The following PCDHGB7 variants were observed in gnomAD, a reference collection of about 807,000 sequenced individuals.
PCDHGB7 encodes protocadherin gamma-B7.
PCDHGB7 carries 37 observed loss-of-function variants against 61.4 expected under a neutral mutation model. That is an observed-to-expected ratio of 0.60 (90% CI 0.46 to 0.79). The LOEUF is 0.79. PCDHGB7 is among the 30% of genes least tolerant of loss of function. The pLI is 0.00. For synonymous variants in PCDHGB7, 464 were observed against 503.5 expected (o/e 0.92, Z 1.05); for missense variants, 1,166 against 1,202.5 (o/e 0.97, Z 0.45).
At chr5:141,427,984 C>G (rs754620535) in intron 1 of PCDHGB7, 2 of 1,597,494 alleles carry the variant, frequency 1.3e-6, no homozygotes, top group South Asian at 2.2e-5. Flanking sequence ...GCGCTGGGGC[C>G]CGATGGCTCC....
At position 141,486,548 on chromosome 5, in the gene PCDHGB7, T is replaced by C; in HGVS notation, c.2416-8259T>C. 1 of 1,614,100 alleles carries C rather than the reference T, an allele frequency of 6.2e-7. No individual in the cohort carries two copies. ...TAATCCACCCTCTTTCTTTCAGAGG[T>C]CACATGAGGTGTTTGTTCCTGAGAA... is the stretch of plus-strand genomic sequence containing the variant. On this transcript the variant is annotated intron_variant, in intron 1 of 3. Coordinates refer to ENST00000398594, the MANE Select transcript of PCDHGB7 (RefSeq NM_018927.4). The surrounding 1 kb of genome is among the most constrained non-coding windows in gnomAD (Gnocchi z 5.0).
In PCDHGB7 at chr5:141,419,335, T is replaced by C; in HGVS notation, c.1476T>C (p.Ile492=). 1 of 1,613,886 alleles carries C rather than the reference T, an allele frequency of 6.2e-7. No individual in the cohort carries two copies. The highest frequency in any genetic ancestry group is 8.5e-7 in the Non-Finnish European group (1 of 1,179,894). Residue 492 remains isoleucine, a synonymous_variant, in exon 1 of 4, where the codon ATT becomes ATC. Coordinates refer to ENST00000398594, the MANE Select transcript of PCDHGB7 (RefSeq NM_018927.4). ...ACGGCCGTGTCTCCTACTCTCTCAT[T>C]GCCAGCGACCTGGAGTCACGAACGC... The part of the protein sequence containing the change: ...GLNGRVSYSL[I]ASDLESRTLS...
At chr5:141,506,930 T>C (rs2099857287) in intron 3 of PCDHGB7, among the ~76,000 whole-genome samples, 1 of 152,150 alleles carries the variant, frequency 6.6e-6, no homozygotes, top group African/African-American at 2.4e-5. Context: ...AAACAAACTT[T>C]AGGGGCCTCC....
chr5:141,420,304 T>C, intron 1 of PCDHGB7, 30 bp downstream of exon 1: 1 of 1,462,822 alleles, frequency 6.8e-7, no homozygotes, highest in African/African-American at 1.4e-5. Context: ...TTTAATCCTT[T>C]TTATATTACA....
At position 141,477,896 on chromosome 5, in the gene PCDHGB7, G is replaced by A. The variant is rs1444527086; in HGVS notation, c.2416-16911G>A. 2 of 1,614,174 alleles carry A rather than the reference G, an allele frequency of 1.2e-6. No individual in the cohort carries two copies. Among genetic ancestry groups the A allele is most frequent in the Non-Finnish European group, 1.7e-6 (2 of 1,180,038 alleles). ...AGCTGGCCACCTAGTGTCACGGGTG[G>A]TAGGCTGGGACGCGGATGCAGGGCA... On this transcript the variant is annotated intron_variant, in intron 1 of 3. Coordinates refer to ENST00000398594, the MANE Select transcript of PCDHGB7 (RefSeq NM_018927.4). The surrounding 1 kb of genome is among the most constrained non-coding windows in gnomAD (Gnocchi z 4.9).
At chr5:141,427,803 G>A (rs781324396) in intron 1 of PCDHGB7, 2 of 1,511,804 alleles carry the variant, frequency 1.3e-6, no homozygotes, top group Admixed American at 1.7e-5. Context: ...GTCCGTGAGC[G>A]CACAGAGCGG....
chr5:141,482,609 A>G (rs2099569274), intron 1 of PCDHGB7, among the ~76,000 whole-genome samples: 1 of 151,770 alleles, frequency 6.6e-6, no homozygotes, highest in African/African-American at 2.4e-5. Context: ...AAACACCTAA[A>G]TGAGCCTGGA....
chr5:141,474,169 T>C (rs1268235616), intron 1 of PCDHGB7, among the ~76,000 whole-genome samples: 2 of 152,232 alleles, frequency 1.3e-5, no homozygotes, highest in Non-Finnish European at 2.9e-5. Context: ...GGCCTTATTA[T>C]TGAGAAAACT....
chr5:141,503,665 C>A (rs1210514896), intron 2 of PCDHGB7, among the ~76,000 whole-genome samples: 2 of 151,792 alleles, frequency 1.3e-5, no homozygotes, highest in African/African-American at 4.8e-5. Flanking sequence ...AATTACAACT[C>A]TTCCCACTTT....
At chr5:141,438,579 CAT>C (rs2097974137) in intron 1 of PCDHGB7, among the ~76,000 whole-genome samples, 1 of 55,780 alleles carries the variant, frequency 1.8e-5, no homozygotes, top group Admixed American at 2.8e-4. Context: ...GATATACATA[CAT>C]ACATACATAC....
chr5:141,474,358 C>A (rs189724264), intron 1 of PCDHGB7, among the ~76,000 whole-genome samples: 30 of 152,290 alleles, frequency 2.0e-4, no homozygotes, highest in African/African-American at 6.5e-4. Context: ...AGTCATGTCT[C>A]AGTAGGTCTA....
At chr5:141,454,824 T>C (rs1231148585) in intron 1 of PCDHGB7, among the ~76,000 whole-genome samples, 1 of 127,218 alleles carries the variant, frequency 7.9e-6, no homozygotes, top group African/African-American at 3.3e-5. Flanking sequence ...TTTTTTTTTT[T>C]TGAGACAGAG....
Position 141,476,966 on chromosome 5 carries a change from G to T in PCDHGB7, c.2416-17841G>T, listed in dbSNP as rs780645226. The T allele has an allele frequency of 6.2e-7, 1 of 1,614,152 alleles. No homozygotes were observed. Among genetic ancestry groups the T allele is most frequent in the Admixed American group, 1.7e-5 (1 of 60,032 alleles). On this transcript the variant is annotated intron_variant, in intron 1 of 3. Coordinates refer to ENST00000398594, the MANE Select transcript of PCDHGB7 (RefSeq NM_018927.4). The surrounding 1 kb of genome is among the most constrained non-coding windows in gnomAD (Gnocchi z 7.6). Reference sequence around the variant, plus strand: ...CAACGGTGAAATTATTTACTCCTTCGGCAGCCACAACCGCGCCGGCGTGCG... The same window carrying T: ...CAACGGTGAAATTATTTACTCCTTCTGCAGCCACAACCGCGCCGGCGTGCG...
rs2096436352 is a variant in PCDHGB7 at position 141,419,803 on chromosome 5, T to C, written c.1944T>C (p.Asp648=). 3 of 1,614,026 alleles carry C rather than the reference T, an allele frequency of 1.9e-6. No individual in the cohort carries two copies. Among genetic ancestry groups the C allele is most frequent in the Non-Finnish European group, 2.5e-6 (3 of 1,179,876 alleles). The change falls in exon 1 of 4, where the codon GAT becomes GAC. Residue 648 remains aspartate (D), a synonymous_variant. Transcript: ENST00000398594. The part of the protein sequence containing the change: ...VRQRLLVAVR[D]GGQPPLSATA... ...AGCGCCTGCTAGTCGCTGTAAGAGA[T>C]GGAGGACAGCCACCCCTTTCAGCCA...
intron 1 of PCDHGB7, among the ~76,000 whole-genome samples, chr5:141,450,223 G>A (rs1458841129): frequency 2.0e-5 from 3 of 151,818 alleles, no homozygotes; most frequent in Non-Finnish European, 4.4e-5. Context: ...TCACTATGTT[G>A]GCCAGGCTAG....
At position 141,476,749 on chromosome 5, in the gene PCDHGB7, G is replaced by C; in HGVS notation, c.2416-18058G>C. On this transcript the variant is annotated intron_variant, in intron 1 of 3. Transcript: ENST00000398594. The surrounding 1 kb of genome is among the most constrained non-coding windows in gnomAD (Gnocchi z 7.6). ...ACCGAGAACGGGAGCCTAGTCTCCA[G>C]TTAGTGCTGACGGCGTTGGACGGAG... is the stretch of plus-strand genomic sequence containing the variant. 1.9e-6 allele frequency: 3 copies of C among 1,614,042 alleles called. No homozygotes were observed. The highest frequency in any genetic ancestry group is 2.5e-6 in the Non-Finnish European group (3 of 1,180,038).
chr5:141,475,381 T>G (rs1182018899), intron 1 of PCDHGB7, among the ~76,000 whole-genome samples: 3 of 152,226 alleles, frequency 2.0e-5, no homozygotes, highest in Non-Finnish European at 4.4e-5. Flanking sequence ...ACTTTTAAAT[T>G]TTATAAGCCA....
chr5:141,441,700 T>TCAAG (rs1409793305), intron 1 of PCDHGB7: 1 of 308,660 alleles, frequency 3.2e-6, no homozygotes, highest in African/African-American at 2.3e-5. Context: ...CCGCGAGCCT[T>TCAAG]CAAGCTCACG....
intron 2 of PCDHGB7, among the ~76,000 whole-genome samples, chr5:141,504,268 T>A (rs539485141): frequency 2.2e-4 from 34 of 152,348 alleles, no homozygotes; most frequent in Admixed American, 1.3e-3. Context: ...AGTATTTTTT[T>A]AAATTATGAA....
Sources: allele counts gnomAD v4.1 joint callset (sites outside exome capture counted in the v4.1 genomes callset), GRCh38; gene constraint gnomAD v4.1.1; non-coding constraint Gnocchi (gnomAD v3.1); transcripts MANE v1.5; gene names NCBI Gene and HGNC (gene_info 2026-07-23, HGNC 2026-07-21).